The following LAMA3 variants were observed in gnomAD, a reference collection of about 807,000 sequenced individuals.
The protein encoded by LAMA3 is laminin subunit alpha-3.
Under a neutral mutation model 402.0 loss-of-function variants are expected in LAMA3, and 281 were observed. That is an observed-to-expected ratio of 0.70 (90% confidence interval 0.63 to 0.77). LAMA3 has a LOEUF of 0.77. LAMA3 is among the 30% of genes least tolerant of loss of function. The probability of loss-of-function intolerance (pLI) is 0.00; values close to 1 mark genes in which losing one functional copy is unlikely to be tolerated. For missense variants in LAMA3, 3,840 were observed against 4,215.5 expected, an observed-to-expected ratio of 0.91 and a Z score of 2.47; for synonymous variants, 1,431 against 1,558.4, an observed-to-expected ratio of 0.92 and a Z score of 1.93.
chr18:23,814,912 T>C (rs1315690397), intron 15 of LAMA3, among the ~76,000 whole-genome samples: 2 of 152,234 alleles, frequency 1.3e-5, no homozygotes, highest in Non-Finnish European at 2.9e-5. Flanking sequence ...ACCTCGGCAT[T>C]GGAATCATTC....
At chr18:23,827,490 A>G (rs764678754) in intron 23 of LAMA3, 23 bp downstream of exon 23, 1 of 1,612,668 alleles carries the variant, frequency 6.2e-7, no homozygotes, top group East Asian at 2.2e-5. Flanking sequence ...TTTATTTATT[A>G]TCAAAGTTAT....
intron 70 of LAMA3, among the ~76,000 whole-genome samples, chr18:23,947,431 T>A (rs912671876): frequency 6.6e-6 from 1 of 152,004 alleles, no homozygotes; most frequent in East Asian, 1.9e-4. Context: ...TTGCTTGCAG[T>A]GGGAAAAAAA....
chr18:23,703,658 G>T (rs913064807), intron 1 of LAMA3, among the ~76,000 whole-genome samples: 5 of 151,446 alleles, frequency 3.3e-5, no homozygotes, highest in Non-Finnish European at 7.4e-5. Context: ...TAAAAAAAAA[G>T]GTGTGTGTGT....
chr18:23,844,905 A>G (rs2063779262), intron 29 of LAMA3, 104 bp from the exon 30 acceptor site: 1 of 732,468 alleles, frequency 1.4e-6, no homozygotes. Context: ...GAAGCATTTC[A>G]GATTTTGGAT....
intron 31 of LAMA3, among the ~76,000 whole-genome samples, chr18:23,847,006 G>A (rs927476989): frequency 2.6e-5 from 4 of 152,218 alleles, no homozygotes; most frequent in Non-Finnish European, 5.9e-5. Context: ...CTCACTTCAC[G>A]TGACTGCAGT....
At position 23,759,044 on chromosome 18, in the gene LAMA3, G is replaced by A. The variant is rs191158877; in HGVS notation, c.1063+533G>A. Reference sequence around the variant, plus strand: ...GAGTGTAACATAAAGTAAGAAAAGCGTTTTTTTTTTGTTTTTGTTTTTTAG... The same window carrying A: ...GAGTGTAACATAAAGTAAGAAAAGCATTTTTTTTTTGTTTTTGTTTTTTAG... On this transcript the variant is annotated intron_variant, in intron 7 of 74. Coordinates refer to ENST00000313654, the MANE Select transcript of LAMA3 (RefSeq NM_198129.4). 3.3e-3 allele frequency among the ~76,000 whole-genome samples: 493 copies of A among 148,194 alleles called. 5 individuals are homozygous for A. The highest frequency in any genetic ancestry group is 6.9e-3 in the Middle Eastern group (2 of 290).
At chr18:23,703,128 G>A (rs1281071883) in intron 1 of LAMA3, among the ~76,000 whole-genome samples, 3 of 152,156 alleles carry the variant, frequency 2.0e-5, no homozygotes, top group Non-Finnish European at 4.4e-5. Flanking sequence ...AGACTGCAGT[G>A]GGCAGAAGAA....
chr18:23,792,260 G>A (rs1436046764), intron 12 of LAMA3, among the ~76,000 whole-genome samples: 1 of 152,100 alleles, frequency 6.6e-6, no homozygotes, highest in Non-Finnish European at 1.5e-5. Context: ...AAGAAAAGAC[G>A]TTTATTTAGT....
chr18:23,949,817 C>T lies in LAMA3; in HGVS notation c.9404C>T (p.Ser3135Leu), dbSNP rs267605132. ...VGCLKNFQLDSKPLYTPSSSF... is the reference protein window; with the variant it reads ...VGCLKNFQLDLKPLYTPSSSF... The stretch of plus-strand genomic sequence containing the variant: ...TGCCTGAAGAACTTTCAGCTGGATT[C>T]AAAACCCTTGTATACCCCTTCTTCA... The change falls in exon 71 of 75, where the codon TCA becomes TTA. Residue 3135 changes from serine to leucine, a missense_variant. Ser to Leu is a moderately radical substitution (Grantham distance 145). Around this residue, in one of 3 missense-constraint regions of LAMA3, gnomAD observed 840 missense variants for 981.9 expected, o/e 0.86. Coordinates refer to ENST00000313654, the MANE Select transcript of LAMA3 (RefSeq NM_198129.4). The T allele has an allele frequency of 6.2e-7, 1 of 1,613,970 alleles. No homozygotes were observed. The highest frequency in any genetic ancestry group is 1.3e-5 in the African/African-American group (1 of 74,890).
At chr18:23,844,444 C>A (rs1387903939) in intron 29 of LAMA3, among the ~76,000 whole-genome samples, 1 of 152,194 alleles carries the variant, frequency 6.6e-6, no homozygotes, top group Non-Finnish European at 1.5e-5. Flanking sequence ...TCACATGGAG[C>A]CCTGGCCATC....
intron 44 of LAMA3, 24 bp downstream of exon 44, chr18:23,895,082 A>G: frequency 6.4e-7 from 1 of 1,569,782 alleles, no homozygotes; most frequent in South Asian, 1.2e-5. Flanking sequence ...GGCCGAGAGT[A>G]GACACGTGGG....
chr18:23,777,604 G>C lies in LAMA3; in HGVS notation c.1453G>C (p.Ala485Pro). 6.2e-7 allele frequency: 1 copy of C among 1,611,606 alleles called. No homozygotes were observed. Residue 485 changes from alanine (A) to proline (P), a missense_variant, in exon 11 of 75, where the codon GCT becomes CCT. Ala to Pro is a conservative substitution (Grantham distance 27). Transcript: ENST00000313654. The part of the protein sequence containing the change: ...VSTPSSEDPV[A>P]GDIKGCDCNL... Reference sequence around the variant, plus strand: ...TACACCAAGTTCAGAAGATCCAGTAGCTGGAGATATAAAAGGCAAGTAACC... The same window carrying C: ...TACACCAAGTTCAGAAGATCCAGTACCTGGAGATATAAAAGGCAAGTAACC...
chr18:23,710,174 T>TTC, intron 1 of LAMA3: 3 of 683,450 alleles, frequency 4.4e-6, no homozygotes, highest in Non-Finnish European at 8.1e-6. Context: ...CGTGCAGATC[T>TTC]TTTTTTGTGT....
At position 23,809,057 on chromosome 18, in the gene LAMA3, A is replaced by T. The variant is rs541397320; in HGVS notation, c.1604-1309A>T. Among the ~76,000 whole-genome samples the T allele has an allele frequency of 6.6e-5, 10 of 152,234 alleles. 1 individual carries two copies. In the South Asian group the frequency reaches 1.4e-3, roughly 22 times the overall value. ...GATTTTCATTAATTCAGTGTGGGAA[A>T]GTGTAAAGAGCACCTCCCCAAGCAC... On this transcript the variant is annotated intron_variant, in intron 12 of 74. Coordinates refer to ENST00000313654, the MANE Select transcript of LAMA3 (RefSeq NM_198129.4).
At chr18:23,705,635 C>A (rs1369011391) in intron 1 of LAMA3, among the ~76,000 whole-genome samples, 3 of 152,230 alleles carry the variant, frequency 2.0e-5, no homozygotes, top group South Asian at 2.1e-4. Flanking sequence ...GGTAATCCTT[C>A]CACCTCAGCT....
intron 15 of LAMA3, 53 bp from the exon 16 acceptor site, chr18:23,815,135 G>A (rs1309493060): frequency 6.6e-6 from 10 of 1,518,012 alleles, no homozygotes; most frequent in Non-Finnish European, 9.1e-7. Context: ...CCCAGAGCCA[G>A]GAACTGTCTT....
Position 23,899,021 on chromosome 18 carries a change from A to G in LAMA3, c.5792A>G (p.Lys1931Arg), listed in dbSNP as rs1599036980. The change falls in exon 46 of 75, where the codon AAA becomes AGA. Residue 1931 changes from lysine (K) to arginine (R), a missense_variant. Around this residue, in one of 3 missense-constraint regions of LAMA3, gnomAD observed 891 missense variants for 857.5 expected, o/e 1.04. Transcript: ENST00000313654. ...NNVNRATQSA[K>R]ELDVKIKNVI... ...GTTAATCGGGCAACACAAAGCGCAA[A>G]AGAACTGGATGTGAAGATTAAAAAT... 1 of 1,614,082 alleles carries G rather than the reference A, an allele frequency of 6.2e-7. No individual in the cohort carries two copies. Among genetic ancestry groups the G allele is most frequent in the East Asian group, 2.2e-5 (1 of 44,862 alleles).
chr18:23,909,746 C>T (rs765969378), intron 55 of LAMA3, among the ~76,000 whole-genome samples: 2 of 152,204 alleles, frequency 1.3e-5, no homozygotes, highest in Admixed American at 1.3e-4. Context: ...ACTGATTCAC[C>T]AGCCTTTCTT....
Position 23,914,477 on chromosome 18 carries a change from A to C in LAMA3, c.7397A>C (p.Asp2466Ala). The C allele has an allele frequency of 6.2e-7, 1 of 1,613,962 alleles. No homozygotes were observed. The highest frequency in any genetic ancestry group is 1.1e-5 in the South Asian group (1 of 91,074). The change falls in exon 57 of 75, where the codon GAC (aspartate) becomes GCC (alanine). Residue 2466 changes from aspartate to alanine, a missense_variant. Physicochemically the swap from Asp to Ala is moderately radical, Grantham distance 126 (BLOSUM62 -2). Around this residue, in one of 3 missense-constraint regions of LAMA3, gnomAD observed 891 missense variants for 857.5 expected, o/e 1.04. Coordinates refer to ENST00000313654, the MANE Select transcript of LAMA3 (RefSeq NM_198129.4). ...GQLTCVYNLG[D>A]REAELQVDQI... ...CTCACCTGTGTCTACAACCTGGGGG[A>C]CCGTGAGGCTGAACTCCAAGTGGAC...
Sources: allele counts gnomAD v4.1 joint callset (sites outside exome capture counted in the v4.1 genomes callset), GRCh38; gene constraint gnomAD v4.1.1; regional missense constraint gnomAD v4.1.1; transcripts MANE v1.5; gene names NCBI Gene and HGNC (gene_info 2026-07-23, HGNC 2026-07-21).